Variants in FNDC3A observed in about 807,000 individuals in gnomAD.
FNDC3A encodes the protein fibronectin type III domain containing 3A, also known as fibronectin type-III domain-containing protein 3A.
In FNDC3A, 32 loss-of-function variants were observed where a neutral mutation model predicts 148.9. That is an observed-to-expected ratio of 0.21 (90% confidence interval 0.16 to 0.29). The LOEUF is 0.29. FNDC3A is among the 10% of genes least tolerant of loss of function. FNDC3A has a pLI of 1.00. For synonymous variants in FNDC3A, 472 were observed against 473.6 expected (o/e 1.00, Z 0.04); for missense variants, 1,191 against 1,452.8 (o/e 0.82, Z 2.93).
At chr13:48,996,598 T>C (rs1952028706) in intron 1 of FNDC3A, among the ~76,000 whole-genome samples, 1 of 152,204 alleles carries the variant, frequency 6.6e-6, no homozygotes, top group South Asian at 2.1e-4. Flanking sequence ...ACAACATTTA[T>C]ATAAGGAGCT....
In FNDC3A at chr13:49,141,813, C is replaced by T. The variant is rs568609165; in HGVS notation, c.819+3008C>T. ...TCTAAAGGAGCTATTTTCATTTTTTCCTGTTACCATCTTTATCAGTTCTTA... is the reference window on the plus strand; with the variant it reads ...TCTAAAGGAGCTATTTTCATTTTTTTCTGTTACCATCTTTATCAGTTCTTA... On this transcript the variant is annotated intron_variant, in intron 7 of 25. Coordinates refer to ENST00000492622, the MANE Select transcript of FNDC3A (RefSeq NM_001079673.2). Among the ~76,000 whole-genome samples, 4 of 152,166 alleles carry T rather than the reference C, an allele frequency of 2.6e-5. No homozygotes were observed. In the East Asian group the frequency reaches 7.7e-4, roughly 29 times the overall value.
At chr13:49,126,934 C>T (rs1881736030) in intron 4 of FNDC3A, among the ~76,000 whole-genome samples, 1 of 152,156 alleles carries the variant, frequency 6.6e-6, no homozygotes, top group Non-Finnish European at 1.5e-5. Flanking sequence ...AGAGAGAGAT[C>T]ACTGAGATTG....
At chr13:49,160,616 C>T (rs1176214670) in intron 8 of FNDC3A, among the ~76,000 whole-genome samples, 2 of 150,850 alleles carry the variant, frequency 1.3e-5, no homozygotes, top group African/African-American at 4.9e-5. Flanking sequence ...TGTCTCTATC[C>T]CCTTCAGTTC....
At chr13:49,048,382 G>A (rs1417287117) in intron 2 of FNDC3A, among the ~76,000 whole-genome samples, 1 of 151,634 alleles carries the variant, frequency 6.6e-6, no homozygotes, top group Non-Finnish European at 1.5e-5. Context: ...TTGGCTGTAT[G>A]GTCATTTTCA....
At position 49,168,567 on chromosome 13, in the gene FNDC3A, G is replaced by A. The variant is rs530403427; in HGVS notation, c.1038-46G>A. On this transcript the variant is annotated intron_variant, in intron 9 of 25. Transcript: ENST00000492622. ...TTAAAGGTGACACTATTGAAAACAGGATACAGTGATTATGAAAGGTAAAAC... is the reference window on the plus strand; with the variant it reads ...TTAAAGGTGACACTATTGAAAACAGAATACAGTGATTATGAAAGGTAAAAC... 19 of 1,489,150 alleles carry A rather than the reference G, an allele frequency of 1.3e-5. No homozygotes were observed. The South Asian group carries it at 2.0e-4, about 16-fold the overall frequency. The allele number at this position is 1,489,150 out of a possible 1,614,324, so 92.2% of individuals were successfully genotyped here.
chr13:49,184,786 C>T (rs142202639), intron 14 of FNDC3A, among the ~76,000 whole-genome samples: 1 of 152,140 alleles, frequency 6.6e-6, no homozygotes, highest in Non-Finnish European at 1.5e-5. Context: ...ACGACCTCCC[C>T]CTGTGCGGTC....
intron 8 of FNDC3A, among the ~76,000 whole-genome samples, chr13:49,166,635 C>T (rs947895421): frequency 1.2e-4 from 19 of 152,210 alleles, no homozygotes; most frequent in African/African-American, 4.6e-4. Flanking sequence ...CAGGAGTCCA[C>T]GGTGGGAATG....
chr13:49,059,563 C>G (rs1337099800), intron 2 of FNDC3A, among the ~76,000 whole-genome samples: 1 of 152,176 alleles, frequency 6.6e-6, no homozygotes, highest in Middle Eastern at 3.2e-3. Flanking sequence ...TCAAGTGATT[C>G]TTCTGCCTCA....
At chr13:48,995,848 G>T (rs1034547951) in intron 1 of FNDC3A, among the ~76,000 whole-genome samples, 1 of 152,136 alleles carries the variant, frequency 6.6e-6, no homozygotes, top group Admixed American at 6.5e-5. Context: ...GGATAGTTTT[G>T]CAGAGTGATT....
intron 6 of FNDC3A, among the ~76,000 whole-genome samples, chr13:49,137,398 G>T (rs1209831594): frequency 6.6e-6 from 1 of 152,190 alleles, no homozygotes; most frequent in African/African-American, 2.4e-5. Context: ...AGGCTGGAAT[G>T]CAGTGGCGCA....
At chr13:49,003,445 C>A (rs972337147) in intron 1 of FNDC3A, among the ~76,000 whole-genome samples, 1 of 151,846 alleles carries the variant, frequency 6.6e-6, no homozygotes, top group Non-Finnish European at 1.5e-5. Flanking sequence ...TGTAGGAGGC[C>A]AGTATATATT....
chr13:49,092,472 C>T (rs1290687963), intron 3 of FNDC3A, among the ~76,000 whole-genome samples: 1 of 152,128 alleles, frequency 6.6e-6, no homozygotes, highest in African/African-American at 2.4e-5. Flanking sequence ...AGGTTGTGCC[C>T]ATCCAGATTA....
At chr13:49,105,437 A>G (rs1880114448) in intron 3 of FNDC3A, among the ~76,000 whole-genome samples, 1 of 152,184 alleles carries the variant, frequency 6.6e-6, no homozygotes, top group South Asian at 2.1e-4. Flanking sequence ...ATAGCATTAG[A>G]TTGTCTTCTC....
chr13:48,978,322 A>G (rs887681279), intron 1 of FNDC3A, among the ~76,000 whole-genome samples: 2 of 152,218 alleles, frequency 1.3e-5, no homozygotes, highest in Non-Finnish European at 1.5e-5. Context: ...GAGGGAATGC[A>G]TGATTCATAT....
intron 1 of FNDC3A, among the ~76,000 whole-genome samples, chr13:48,987,365 A>G (rs1951826393): frequency 2.0e-5 from 3 of 152,176 alleles, no homozygotes. Context: ...TCTTGTTTCC[A>G]TAGTTTCCTG....
Position 49,118,784 on chromosome 13 carries a change from G to A in FNDC3A, c.252+4053G>A, listed in dbSNP as rs531045254. Among the ~76,000 whole-genome samples, 8 of 152,350 alleles carry A rather than the reference G, an allele frequency of 5.3e-5. No individual in the cohort carries two copies. In the South Asian group the frequency reaches 1.4e-3, roughly 28 times the overall value. ...CCCACCGCAGCTCATCAAAGCCACTGTAGCCAGACTACCTCTCTAGATTCC... is the reference window on the plus strand; with the variant it reads ...CCCACCGCAGCTCATCAAAGCCACTATAGCCAGACTACCTCTCTAGATTCC... On this transcript the variant is annotated intron_variant, in intron 4 of 25. Coordinates refer to ENST00000492622, the MANE Select transcript of FNDC3A (RefSeq NM_001079673.2).
chr13:49,173,641 C>T (rs1273816478), intron 11 of FNDC3A, among the ~76,000 whole-genome samples: 2 of 152,186 alleles, frequency 1.3e-5, no homozygotes, highest in East Asian at 3.8e-4. Context: ...CGGGGCAAAA[C>T]TGTCATTATT....
At chr13:49,025,795 A>G (rs530320215) in intron 2 of FNDC3A, among the ~76,000 whole-genome samples, 7 of 152,312 alleles carry the variant, frequency 4.6e-5, no homozygotes, top group Middle Eastern at 6.8e-3. Context: ...ACCTGACAGT[A>G]TAGTAAGGCT....
At chr13:49,125,565 A>G (rs574664646) in intron 4 of FNDC3A, among the ~76,000 whole-genome samples, 7 of 152,312 alleles carry the variant, frequency 4.6e-5, no homozygotes, top group African/African-American at 1.7e-4. Context: ...GAATTGAGAA[A>G]GTCACAGAAC....
Sources: gnomAD v4.1 joint callset for allele counts (sites outside exome capture counted in the v4.1 genomes callset) on GRCh38, gnomAD v4.1.1 for gene constraint, MANE v1.5 for transcripts, NCBI Gene and HGNC (gene_info 2026-07-23, HGNC 2026-07-21) for gene names.